The following GRAMD4 variants were observed in gnomAD, a reference collection of about 807,000 sequenced individuals.
GRAMD4 encodes the protein GRAM domain-containing protein 4.
A neutral mutation model predicts 83.9 loss-of-function variants in GRAMD4; 25 were observed. That is an observed-to-expected ratio of 0.30 (90% confidence interval 0.22 to 0.42). The LOEUF is 0.42. Among genes scored for constraint, GRAMD4 ranks in the 10% least tolerant of loss-of-function variants. The pLI is 1.00. For missense variants in GRAMD4, 593 were observed against 788.7 expected (o/e 0.75, Z 2.97); for synonymous variants, 336 against 320.9 (o/e 1.05, Z -0.50).
chr22:46,616,065 C>T (rs1264574688), upstream of GRAMD4, among the ~76,000 whole-genome samples: 2 of 133,662 alleles, frequency 1.5e-5, no homozygotes, highest in Admixed American at 7.7e-5. Flanking sequence ...TGTCGGTTCC[C>T]CCGTGTGTAG....
chr22:46,632,508 A>G lies in GRAMD4; in HGVS notation c.163-5332A>G, dbSNP rs2147192742. Among the ~76,000 whole-genome samples the G allele has an allele frequency of 2.6e-5, 4 of 152,266 alleles. No homozygotes were observed. In the East Asian group the frequency reaches 7.7e-4, roughly 29 times the overall value. The stretch of plus-strand genomic sequence containing the variant: ...CAGCGCCACAGCCTTGGTGTCCTGC[A>G]CCCTTGGAGTTCTGAGTCCAGGCCT... On this transcript the variant is annotated intron_variant, in intron 2 of 18. Coordinates refer to ENST00000406902, the MANE Select transcript of GRAMD4 (RefSeq NM_015124.5).
upstream of GRAMD4, among the ~76,000 whole-genome samples, chr22:46,617,416 G>A (rs555735317): frequency 1.2e-4 from 17 of 147,070 alleles, no homozygotes; most frequent in East Asian, 3.5e-3. Context: ...AGGTTCCCCT[G>A]TGTGTAGGTT....
intron 13 of GRAMD4, among the ~76,000 whole-genome samples, chr22:46,670,755 A>G (rs1415250509): frequency 1.3e-5 from 2 of 152,066 alleles, no homozygotes; most frequent in Non-Finnish European, 2.9e-5. Flanking sequence ...ACAGGGGTGC[A>G]CCACCACACT....
intron 9 of GRAMD4, among the ~76,000 whole-genome samples, chr22:46,666,158 C>G (rs1056890334): frequency 3.9e-5 from 6 of 152,210 alleles, no homozygotes; most frequent in Non-Finnish European, 7.3e-5. Flanking sequence ...TAACCCCAAC[C>G]CTGGCCTGAG....
rs57021762 is a variant in GRAMD4 at position 46,611,216 on chromosome 22, C to CAA, written c.-49-15524_-49-15523dup. Among the ~76,000 whole-genome samples the CAA allele has an allele frequency of 3.3e-3, 467 of 143,298 alleles. 4 individuals are homozygous for CAA. The South Asian group carries it at 0.04, about 12-fold the overall frequency. 94.0% of individuals were successfully genotyped at this position (143,298 alleles called of 152,430 possible). A position where few individuals can be genotyped will look rare whatever the true frequency, so the allele number is the denominator to read the frequency against. On this transcript the variant is annotated intron_variant, in intron 1 of 1. Transcript: ENST00000431155. ...GGGTAACAGGAGCGAAACTCCATCT[C>CAA]AAAAAAAAAAAATATTAAATAAAAA...
Position 46,602,963 on chromosome 22 carries a change from G to A in GRAMD4, c.-49-23788G>A, listed in dbSNP as rs190686114. Among the ~76,000 whole-genome samples, 195 of 151,502 alleles carry A rather than the reference G, an allele frequency of 1.3e-3. 1 individual carries two copies. Among genetic ancestry groups the A allele is most frequent in the Non-Finnish European group, 2.2e-3 (152 of 67,862 alleles). ...TCACCATGTTGGCCAGGCTGGTCTCGAACTCCTGATCTCGCTATCTGCCTG... is the reference window on the plus strand; with the variant it reads ...TCACCATGTTGGCCAGGCTGGTCTCAAACTCCTGATCTCGCTATCTGCCTG... On this transcript the variant is annotated intron_variant, in intron 1 of 1. Coordinates refer to the GRAMD4 transcript ENST00000431155.
chr22:46,609,887 C>T (rs1009259253), intron 1 of GRAMD4, among the ~76,000 whole-genome samples: 5 of 152,196 alleles, frequency 3.3e-5, no homozygotes, highest in African/African-American at 7.2e-5. Context: ...AGGGGCGGCC[C>T]GGCTGCTGGT....
upstream of GRAMD4, among the ~76,000 whole-genome samples, chr22:46,619,352 TC>T (rs2081542749): frequency 1.3e-5 from 2 of 152,008 alleles, no homozygotes; most frequent in Non-Finnish European, 2.9e-5. Flanking sequence ...TTTGTTTTGT[TC>T]TTAGAGACAA....
At chr22:46,616,604 A>G (rs2081499885), upstream of GRAMD4, among the ~76,000 whole-genome samples, 3 of 111,632 alleles carry the variant, frequency 2.7e-5, no homozygotes, top group Admixed American at 2.9e-4. Context: ...CCCTGTGTGT[A>G]GGTTCCCCTG....
chr22:46,594,968 A>G (rs2081246991), intron 1 of GRAMD4, among the ~76,000 whole-genome samples: 1 of 152,046 alleles, frequency 6.6e-6, no homozygotes, highest in Non-Finnish European at 1.5e-5. Flanking sequence ...TTCTGACTGC[A>G]CCAGGTTTGT....
At chr22:46,669,617 C>A (rs1274219564) in intron 13 of GRAMD4, among the ~76,000 whole-genome samples, 1 of 151,412 alleles carries the variant, frequency 6.6e-6, no homozygotes, top group Non-Finnish European at 1.5e-5. Context: ...GCTCTGTCGC[C>A]CAGGCTGGAG....
chr22:46,618,837 C>G (rs1012941314), upstream of GRAMD4, among the ~76,000 whole-genome samples: 1 of 152,184 alleles, frequency 6.6e-6, no homozygotes, highest in African/African-American at 2.4e-5. The surrounding 1 kb of genome is among the most constrained non-coding windows in gnomAD (Gnocchi z 5.8). Flanking sequence ...ACGGGGCTAT[C>G]AAGGGCTCTT....
rs539984470 is a variant in GRAMD4 at position 46,638,522 on chromosome 22, G to T, written c.283+562G>T. On this transcript the variant is annotated intron_variant, in intron 3 of 18. Coordinates refer to ENST00000406902, the MANE Select transcript of GRAMD4 (RefSeq NM_015124.5). ...GCAGAGATTCTTACAGGAGGGGCTCGCAGGCTTGGCCCCACTTGGTGTATC... is the reference window on the plus strand; with the variant it reads ...GCAGAGATTCTTACAGGAGGGGCTCTCAGGCTTGGCCCCACTTGGTGTATC... Among the ~76,000 whole-genome samples the T allele has an allele frequency of 1.3e-3, 196 of 152,316 alleles. 2 individuals are homozygous for T. Among genetic ancestry groups the T allele is most frequent in the Non-Finnish European group, 1.9e-3 (130 of 68,016 alleles).
chr22:46,677,050 G>C, intron 18 of GRAMD4, 97 bp from the exon 19 acceptor site: 1 of 1,425,078 alleles, frequency 7.0e-7, no homozygotes, highest in Non-Finnish European at 9.7e-7. Context: ...CGTGACTAGC[G>C]TGCTGGCCTG....
At chr22:46,616,327 T>C (rs1601565744), upstream of GRAMD4, among the ~76,000 whole-genome samples, 3 of 40,088 alleles carry the variant, frequency 7.5e-5, no homozygotes, top group African/African-American at 1.9e-4. Flanking sequence ...TTCCCCTGTG[T>C]GTGTAGGTTC....
chr22:46,679,996 G>A (rs1442272183), downstream of GRAMD4, among the ~76,000 whole-genome samples: 4 of 152,222 alleles, frequency 2.6e-5, no homozygotes, highest in East Asian at 7.7e-4. Context: ...CCTGTTGGAC[G>A]TGGGCATTGG....
intron 1 of GRAMD4, among the ~76,000 whole-genome samples, chr22:46,585,688 G>A (rs2081142793): frequency 1.3e-5 from 2 of 152,246 alleles, no homozygotes; most frequent in Admixed American, 1.3e-4. Context: ...ATGGTGGAAG[G>A]GAGCTTGTGG....
At chr22:46,673,930 A>G (rs961812107) in intron 15 of GRAMD4, 116 bp downstream of exon 15, 5 of 1,121,560 alleles carry the variant, frequency 4.5e-6, no homozygotes, top group South Asian at 1.4e-5. Context: ...AGGAGCCCTC[A>G]GGATGGCATT....
Position 46,669,587 on chromosome 22 carries a change from T to C in GRAMD4, c.1084+679T>C, listed in dbSNP as rs543937636. The stretch of plus-strand genomic sequence containing the variant: ...TTTGTCTCTCTCTCTCTCTTTTTTT[T>C]TTTTTGGAGACGGAGTGTCGCTCTG... On this transcript the variant is annotated intron_variant, in intron 13 of 18. Transcript: ENST00000406902. Among the ~76,000 whole-genome samples, 97 of 151,850 alleles carry C rather than the reference T, an allele frequency of 6.4e-4. 1 individual carries two copies. The highest frequency in any genetic ancestry group is 2.3e-3 in the African/African-American group (97 of 41,458).
Sources: allele counts gnomAD v4.1 joint callset (sites outside exome capture counted in the v4.1 genomes callset), GRCh38; gene constraint gnomAD v4.1.1; non-coding constraint Gnocchi (gnomAD v3.1); transcripts MANE v1.5; gene names NCBI Gene and HGNC (gene_info 2026-07-23, HGNC 2026-07-21).